The following TRIM37 variants were observed in gnomAD, a reference collection of about 807,000 sequenced individuals.
TRIM37 encodes tripartite motif containing 37.
TRIM37 carries 80 observed loss-of-function variants against 129.8 expected under a neutral mutation model. That is an observed-to-expected ratio of 0.62 (90% CI 0.51 to 0.74). TRIM37 has a LOEUF of 0.74. Ranked by LOEUF, TRIM37 falls within the 30% of genes least tolerant of loss-of-function variation. The pLI is 0.00. For missense variants in TRIM37, 1,054 were observed against 1,176.5 expected, an observed-to-expected ratio of 0.90 and a Z score of 1.52; for synonymous variants, 389 against 387.1, an observed-to-expected ratio of 1.00 and a Z score of -0.06.
At chr17:59,016,887 T>C (rs1344207062) in intron 20 of TRIM37, among the ~76,000 whole-genome samples, 1 of 152,008 alleles carries the variant, frequency 6.6e-6, no homozygotes. Flanking sequence ...ATCAAGAAAC[T>C]TTCCAGCCAG....
At chr17:59,011,104 G>A (rs1171924007) in intron 22 of TRIM37, among the ~76,000 whole-genome samples, 4 of 151,816 alleles carry the variant, frequency 2.6e-5, no homozygotes, top group African/African-American at 4.8e-5. Context: ...GGGAGTTGGA[G>A]GCTGCAGTGA....
intron 17 of TRIM37, among the ~76,000 whole-genome samples, chr17:59,035,812 AAAAAAAACCTCAT>A (rs1207765956): frequency 1.3e-5 from 2 of 151,972 alleles, no homozygotes; most frequent in Non-Finnish European, 2.9e-5. Context: ...GTTCACATAG[AAAAAAAACCTCAT>A]AAAAAGACAG....
chr17:59,023,689 T>C (rs1213025085), intron 19 of TRIM37, among the ~76,000 whole-genome samples: 7 of 151,612 alleles, frequency 4.6e-5, no homozygotes, highest in South Asian at 2.1e-4. Context: ...AAAGTACCTA[T>C]TGAAACATAC....
intron 2 of TRIM37, among the ~76,000 whole-genome samples, chr17:59,101,042 CA>C (rs1489249749): frequency 7.0e-6 from 1 of 142,160 alleles, no homozygotes; most frequent in Non-Finnish European, 1.6e-5. Context: ...AAAAAAAGAA[CA>C]AAACAAACAA....
chr17:59,049,296 C>G lies in TRIM37; in HGVS notation c.1412G>C (p.Arg471Pro). ...GTCAGAGCATGCAGACTTCTTAGCTCGTGTCTCCAGAGCATCATCATTTTG... is the reference window on the plus strand; with the variant it reads ...GTCAGAGCATGCAGACTTCTTAGCTGGTGTCTCCAGAGCATCATCATTTTG... ...SPQNDDALET[R>P]AKKSACSDML... The change falls in exon 15 of 24, where the codon CGA becomes CCA. Residue 471 changes from arginine to proline, a missense_variant. By Grantham distance (103) the Arg-to-Pro change is moderately radical. This residue lies in a region of TRIM37 where 752 missense variants were observed against 870.8 expected (regional missense o/e 0.86). Transcript: ENST00000262294. 1 of 1,614,138 alleles carries G rather than the reference C, an allele frequency of 6.2e-7. No homozygotes were observed. Among genetic ancestry groups the G allele is most frequent in the Non-Finnish European group, 8.5e-7 (1 of 1,180,030 alleles).
Position 59,081,072 on chromosome 17 carries a change from A to G in TRIM37, c.492+25T>C, listed in dbSNP as rs371948810. 119 of 1,507,782 alleles carry G rather than the reference A, an allele frequency of 7.9e-5. No homozygotes were observed. The African/African-American group carries it at 1.3e-3, about 17-fold the overall frequency. 93.4% of individuals were successfully genotyped at this position (1,507,782 alleles called of 1,614,324 possible). On this transcript the variant is annotated intron_variant, in intron 6 of 23. Transcript: ENST00000262294. ...ATATATTACAGATTAAAAACAAAAT[A>G]ATTATATTTTAGTAGTAGTCTTACC...
intron 17 of TRIM37, among the ~76,000 whole-genome samples, chr17:59,038,110 C>T (rs1326236665): frequency 6.6e-6 from 1 of 152,162 alleles, no homozygotes; most frequent in Admixed American, 6.5e-5. Flanking sequence ...TAAATTTAAT[C>T]ACCTGGGTAG....
downstream of TRIM37, among the ~76,000 whole-genome samples, chr17:58,994,459 C>T (rs1373800275): frequency 6.6e-6 from 1 of 152,140 alleles, no homozygotes; most frequent in African/African-American, 2.4e-5. Context: ...TGGTGGCTCA[C>T]ACCTGTAGTC....
intron 8 of TRIM37, among the ~76,000 whole-genome samples, chr17:59,074,092 ATGTG>A (rs747594310): frequency 6.6e-6 from 1 of 152,248 alleles, no homozygotes; most frequent in Non-Finnish European, 1.5e-5. Flanking sequence ...GCAGTGCAGT[ATGTG>A]TGTTTACACT....
chr17:59,076,173 A>G (rs2042795250), intron 7 of TRIM37, among the ~76,000 whole-genome samples: 1 of 152,092 alleles, frequency 6.6e-6, no homozygotes, highest in Non-Finnish European at 1.5e-5. Context: ...CTGTGAATAT[A>G]CAAGGACCTG....
intron 21 of TRIM37, among the ~76,000 whole-genome samples, chr17:59,015,282 A>C (rs1416090393): frequency 6.6e-6 from 1 of 151,882 alleles, no homozygotes; most frequent in African/African-American, 2.4e-5. Context: ...TCTACTAAAA[A>C]TACAAAAATT....
Position 59,096,163 on chromosome 17 carries a change from G to A in TRIM37, c.124-4823C>T, listed in dbSNP as rs538451200. ...AGAATGAGTAATTATCATAAAGATT[G>A]TATATATTAATTATCTAGCATACAG... On this transcript the variant is annotated intron_variant, in intron 2 of 23. Coordinates refer to ENST00000262294, the MANE Select transcript of TRIM37 (RefSeq NM_015294.6). Among the ~76,000 whole-genome samples the A allele has an allele frequency of 6.6e-5, 10 of 152,130 alleles. No homozygotes were observed. The South Asian group carries it at 1.7e-3, about 25-fold the overall frequency.
intron 2 of TRIM37, among the ~76,000 whole-genome samples, chr17:59,098,082 T>A (rs1440231158): frequency 6.6e-6 from 1 of 152,118 alleles, no homozygotes; most frequent in African/African-American, 2.4e-5. Context: ...GGTACTACCA[T>A]AAGAACAGAA....
intron 19 of TRIM37, among the ~76,000 whole-genome samples, chr17:59,018,722 G>GTT (rs202036450): frequency 1.1e-4 from 15 of 140,276 alleles, no homozygotes; most frequent in Admixed American, 8.6e-4. Context: ...TAGTAGCTGT[G>GTT]TTTTTTTTTT....
chr17:59,074,961 A>T (rs2042678047), intron 8 of TRIM37, among the ~76,000 whole-genome samples: 1 of 152,234 alleles, frequency 6.6e-6, no homozygotes, highest in Admixed American at 6.5e-5. Flanking sequence ...ATATTTCCTC[A>T]ATAAATAAAA....
chr17:59,089,098 T>C (rs936120255), intron 3 of TRIM37, among the ~76,000 whole-genome samples: 1 of 151,734 alleles, frequency 6.6e-6, no homozygotes, highest in South Asian at 2.1e-4. Context: ...CCTGTCTCTA[T>C]AAAAAATTAG....
At chr17:59,081,937 C>CAAAAAAAAA (rs1157296161) in intron 5 of TRIM37, among the ~76,000 whole-genome samples, 3 of 48,886 alleles carry the variant, frequency 6.1e-5, no homozygotes, top group African/African-American at 1.7e-4. Context: ...TAATAAAAAC[C>CAAAAAAAAA]AAAAAAAAAA....
rs1240133452 is a variant in TRIM37 at position 59,106,538 on chromosome 17, G to T, written c.-77C>A. Reference sequence around the variant, plus strand: ...ACCTCTTAGGCGCCGGCCCGAGGTCGCCAGATCAAATCGCCGATAAAAGCC... The same window carrying T: ...ACCTCTTAGGCGCCGGCCCGAGGTCTCCAGATCAAATCGCCGATAAAAGCC... On this transcript the variant is annotated 5_prime_UTR_variant, in exon 1 of 24. Transcript: ENST00000262294. 17 of 1,573,862 alleles carry T rather than the reference G, an allele frequency of 1.1e-5. No individual in the cohort carries two copies. The East Asian group carries it at 1.4e-4, about 13-fold the overall frequency.
chr17:58,970,964 G>GTGT, the TRIM37 span, among the ~76,000 whole-genome samples: 13 of 151,808 alleles, frequency 8.6e-5, no homozygotes, highest in Middle Eastern at 3.4e-3. Context: ...TCAAAATTAT[G>GTGT]TGTTGTTGTT....
Sources: gnomAD v4.1 joint callset for allele counts (sites outside exome capture counted in the v4.1 genomes callset) on GRCh38, gnomAD v4.1.1 for gene constraint, gnomAD v4.1.1 regional missense constraint, MANE v1.5 for transcripts, NCBI Gene and HGNC (gene_info 2026-07-23, HGNC 2026-07-21) for gene names.